The following AMPH variants were observed in gnomAD, a reference collection of about 807,000 sequenced individuals.
The protein encoded by AMPH is amphiphysin.
A neutral mutation model predicts 99.1 loss-of-function variants in AMPH; 49 were observed. That is an observed-to-expected ratio of 0.49 (90% CI 0.39 to 0.63). The LOEUF is 0.63. AMPH is among the 20% of genes least tolerant of loss of function. The pLI, the probability that AMPH is intolerant of heterozygous loss-of-function variation, is 0.00. For synonymous variants in AMPH, 314 were observed against 317.3 expected (o/e 0.99, Z 0.11); for missense variants, 759 against 863.4 (o/e 0.88, Z 1.52).
intron 2 of AMPH, among the ~76,000 whole-genome samples, chr7:38,505,956 C>T (rs531068718): frequency 1.2e-3 from 181 of 152,244 alleles, no homozygotes; most frequent in African/African-American, 3.7e-3. Flanking sequence ...CCTGCCTCAG[C>T]GACATCAGGC....
chr7:38,567,982 C>T (rs1220493507), intron 1 of AMPH, among the ~76,000 whole-genome samples: 2 of 152,036 alleles, frequency 1.3e-5, no homozygotes, highest in Non-Finnish European at 2.9e-5. Flanking sequence ...TTTCCTGTTA[C>T]ATATTATTTT....
chr7:38,479,602 C>T (rs761482198), intron 5 of AMPH, among the ~76,000 whole-genome samples: 7 of 151,938 alleles, frequency 4.6e-5, no homozygotes, highest in African/African-American at 9.7e-5. Flanking sequence ...AAATGTATGA[C>T]AATAACAGTG....
chr7:38,541,888 A>G (rs1031797083), intron 1 of AMPH, among the ~76,000 whole-genome samples: 37 of 152,340 alleles, frequency 2.4e-4, no homozygotes, highest in South Asian at 4.1e-4. Context: ...ATGGGAACAG[A>G]GGTAAGTGAG....
intron 8 of AMPH, 128 bp downstream of exon 8, chr7:38,466,045 A>C: frequency 4.2e-6 from 3 of 715,432 alleles, no homozygotes; most frequent in South Asian, 3.7e-5. Context: ...CGAGGGTAAT[A>C]ACACACTGCT....
At chr7:38,468,071 AG>A (rs1787734293) in intron 7 of AMPH, among the ~76,000 whole-genome samples, 1 of 152,188 alleles carries the variant, frequency 6.6e-6, no homozygotes, top group African/African-American at 2.4e-5. Flanking sequence ...GATTTCTTGA[AG>A]GTATTTGCTG....
chr7:38,423,138 A>G (rs1785653017), intron 15 of AMPH, among the ~76,000 whole-genome samples: 1 of 152,236 alleles, frequency 6.6e-6, no homozygotes, highest in African/African-American at 2.4e-5. Context: ...TTAGTGGTTG[A>G]AGCTCCAAAA....
chr7:38,439,192 G>A (rs1200196991), intron 11 of AMPH, among the ~76,000 whole-genome samples: 3 of 152,170 alleles, frequency 2.0e-5, no homozygotes, highest in Non-Finnish European at 4.4e-5. Context: ...CCCTAGTCAT[G>A]TGGAACTGTG....
intron 17 of AMPH, among the ~76,000 whole-genome samples, chr7:38,399,404 T>C (rs1784779900): frequency 6.6e-6 from 1 of 152,192 alleles, no homozygotes; most frequent in African/African-American, 2.4e-5. Context: ...CCAAAATACT[T>C]CCAATGCCGT....
rs7797792 is a variant in AMPH at position 38,538,909 on chromosome 7, T to C, written c.70-3898A>G. On this transcript the variant is annotated intron_variant, in intron 1 of 20. Coordinates refer to ENST00000356264, the MANE Select transcript of AMPH (RefSeq NM_001635.4). ...CCAGGTAGAGATATGGTAAATAGCA[T>C]GATATGGCCAAGGTTCTGAGAGATG... 6.9e-3 allele frequency among the ~76,000 whole-genome samples: 1,057 copies of C among 152,256 alleles called. 18 individuals carry two copies. Among genetic ancestry groups the C allele is most frequent in the African/African-American group, 0.024 (1,002 of 41,552 alleles).
At chr7:38,416,017 G>T (rs1785372050) in intron 17 of AMPH, among the ~76,000 whole-genome samples, 1 of 150,020 alleles carries the variant, frequency 6.7e-6, no homozygotes, top group Non-Finnish European at 1.5e-5. Flanking sequence ...GAGGGAAGCT[G>T]GTTTGAGTGA....
At chr7:38,580,668 GATGATGA>G (rs1792417253) in intron 1 of AMPH, among the ~76,000 whole-genome samples, 1 of 76,552 alleles carries the variant, frequency 1.3e-5, no homozygotes, top group Non-Finnish European at 3.3e-5. Context: ...GGATGATGAT[GATGATGA>G]TGATGATGAT....
intron 12 of AMPH, among the ~76,000 whole-genome samples, chr7:38,432,589 C>CAT (rs1482193081): frequency 3.9e-5 from 1 of 25,804 alleles, no homozygotes; most frequent in East Asian, 5.1e-4. Flanking sequence ...TATTTTAATA[C>CAT]ACACACACAC....
chr7:38,519,218 C>T (rs953861596), intron 2 of AMPH, among the ~76,000 whole-genome samples: 1 of 152,240 alleles, frequency 6.6e-6, no homozygotes, highest in Non-Finnish European at 1.5e-5. Context: ...ATAAATTACC[C>T]ACTCTGTGGT....
intron 18 of AMPH, 24 bp from the exon 19 acceptor site, chr7:38,392,041 A>G (rs1340770250): frequency 1.3e-6 from 2 of 1,599,486 alleles, no homozygotes; most frequent in East Asian, 2.2e-5. Context: ...AACCGTGGCG[A>G]TGCCCGGCAG....
At chr7:38,387,570 T>C (rs565583118) in intron 20 of AMPH, among the ~76,000 whole-genome samples, 7 of 151,928 alleles carry the variant, frequency 4.6e-5, no homozygotes, top group African/African-American at 1.4e-4. Context: ...GGCAGATCAA[T>C]AGAAATTATC....
intron 15 of AMPH, among the ~76,000 whole-genome samples, chr7:38,425,377 T>C (rs1339066330): frequency 2.6e-5 from 4 of 152,144 alleles, no homozygotes; most frequent in Non-Finnish European, 5.9e-5. Context: ...TTCAGCAAAA[T>C]AGGAGATTTG....
intron 17 of AMPH, among the ~76,000 whole-genome samples, chr7:38,398,200 A>C (rs561856810): frequency 4.0e-5 from 6 of 151,820 alleles, no homozygotes; most frequent in South Asian, 4.1e-4. Context: ...AAAAAACAAA[A>C]AAAAAAGGGA....
intron 2 of AMPH, among the ~76,000 whole-genome samples, chr7:38,525,306 A>G (rs1242204350): frequency 1.6e-5 from 2 of 125,954 alleles, no homozygotes; most frequent in Non-Finnish European, 3.4e-5. Context: ...AGAGAGAGAG[A>G]GAGAGAGGGA....
chr7:38,598,191 T>C (rs1793123995), intron 1 of AMPH, among the ~76,000 whole-genome samples: 1 of 152,254 alleles, frequency 6.6e-6, no homozygotes, highest in African/African-American at 2.4e-5. Context: ...CAACTTCCTT[T>C]TAGTGAAAGC....
Sources: gnomAD v4.1 joint callset for allele counts (sites outside exome capture counted in the v4.1 genomes callset) on GRCh38, gnomAD v4.1.1 for gene constraint, MANE v1.5 for transcripts, NCBI Gene and HGNC (gene_info 2026-07-23, HGNC 2026-07-21) for gene names.